PLA2G5: variants seen among roughly 807,000 people sequenced by gnomAD.
The protein encoded by PLA2G5 is Ca2+-dependent phospholipase A2.
PLA2G5 carries 12 observed loss-of-function variants against 15.9 expected under a neutral mutation model. The ratio of observed to expected loss-of-function variants is 0.76; its 90% CI spans 0.48 to 1.23. The LOEUF (loss-of-function observed/expected upper bound fraction) is 1.23, where lower values mean the gene tolerates loss of function less well. Ranked by LOEUF, PLA2G5 falls within the 50% of genes most tolerant of loss-of-function variation. PLA2G5 has a pLI of 0.00. For synonymous variants in PLA2G5, 71 were observed against 71.4 expected (o/e 0.99, Z 0.03); for missense variants, 169 against 177.1 (o/e 0.95, Z 0.26).
rs373128765 is a variant in PLA2G5, at chr1:20,085,249, C to T, written c.40+379C>T. 9.2e-5 allele frequency among the ~76,000 whole-genome samples: 14 copies of T among 152,290 alleles called. No individual in the cohort carries two copies. In the East Asian group the frequency reaches 2.7e-3, roughly 29 times the overall value. On this transcript the variant is annotated intron_variant, in intron 2 of 4. Transcript: ENST00000375108. ...AAAATCAAAACTCTTATCTAAATAT[C>T]CCAACCTATGATTCCTGGGTCATTC...
chr1:20,077,233 C>T (rs778512331), intron 1 of PLA2G5, among the ~76,000 whole-genome samples: 4 of 152,282 alleles, frequency 2.6e-5, no homozygotes, highest in South Asian at 2.1e-4. Flanking sequence ...CTTTAATCAC[C>T]GAAGTGTGAA....
chr1:20,033,922 T>A (rs925604931), intron 1 of PLA2G5, among the ~76,000 whole-genome samples: 2 of 151,774 alleles, frequency 1.3e-5, no homozygotes, highest in Non-Finnish European at 2.9e-5. Flanking sequence ...GTCGGAAGTA[T>A]CCCACAAGGC....
At chr1:20,047,504 CATTGAGA>C (rs1569672809) in intron 1 of PLA2G5, among the ~76,000 whole-genome samples, 1 of 152,148 alleles carries the variant, frequency 6.6e-6, no homozygotes, top group East Asian at 1.9e-4. Context: ...TGCACATTTA[CATTGAGA>C]AAAAGAGCCC....
chr1:20,089,763 G>A (rs368920999), intron 3 of PLA2G5, 26 bp from the exon 4 acceptor site: 8 of 1,596,542 alleles, frequency 5.0e-6, no homozygotes, highest in Admixed American at 1.7e-5. Flanking sequence ...CCTCCCACTC[G>A]GGATCTAAGT....
chr1:20,049,678 C>A (rs1439022498), intron 1 of PLA2G5, among the ~76,000 whole-genome samples: 1 of 152,178 alleles, frequency 6.6e-6, no homozygotes, highest in African/African-American at 2.4e-5. Context: ...CTTTGCTCTT[C>A]CTTGGTCTTC....
chr1:20,090,574 G>T lies in PLA2G5; in HGVS notation c.299G>T (p.Gly100Val), dbSNP rs901915229. 2 of 1,614,026 alleles carry T rather than the reference G, an allele frequency of 1.2e-6. No individual in the cohort carries two copies. The highest frequency in any genetic ancestry group is 1.7e-6 in the Non-Finnish European group (2 of 1,179,974). Residue 100 changes from glycine to valine, a missense_variant, in exon 5 of 5, where the codon GGG becomes GTG. Physicochemically the swap from Gly to Val is moderately radical, Grantham distance 109 (BLOSUM62 -3). Coordinates refer to ENST00000375108, the MANE Select transcript of PLA2G5 (RefSeq NM_000929.3). ...TCTTGGTGTCCTTTTGCAGAGCCCG[G>T]GCCCTTCTGCCATGTGAACCTCTGT... ...FAWGVVTCEP[G>V]PFCHVNLCAC...
At position 20,060,356 on chromosome 1, in the gene PLA2G5, C is replaced by T. The variant is rs1296308157; in HGVS notation, n.337+664C>T. 2.8e-5 allele frequency among the ~76,000 whole-genome samples: 4 copies of T among 144,434 alleles called. No individual in the cohort carries two copies. The East Asian group carries it at 6.5e-4, about 23-fold the overall frequency. The allele number at this position is 144,434 out of a possible 152,430, so 94.8% of individuals were successfully genotyped here. On this transcript the variant is annotated intron_variant and non_coding_transcript_variant, in intron 2 of 6. Transcript: ENST00000460175. Reference sequence around the variant, plus strand: ...GCAACCTCTGCCTCCCAGATTCAAGCGATTCTCCTGCCTCAGCCTCCCAAG... The same window carrying T: ...GCAACCTCTGCCTCCCAGATTCAAGTGATTCTCCTGCCTCAGCCTCCCAAG...
chr1:20,090,704 G>C lies in PLA2G5; in HGVS notation c.*12G>C, dbSNP rs759438113. The C allele has an allele frequency of 3.9e-5, 63 of 1,613,674 alleles. No individual in the cohort carries two copies. The highest frequency in any genetic ancestry group is 1.1e-5 in the Non-Finnish European group (13 of 1,179,794). On this transcript the variant is annotated 3_prime_UTR_variant, in exon 5 of 5. Coordinates refer to ENST00000375108, the MANE Select transcript of PLA2G5 (RefSeq NM_000929.3). Reference sequence around the variant, plus strand: ...TCCTCTGCTCCTAGGCCTCCCCAGCGAGCTCCTCCCAGACCAAGACTTTTG... The same window carrying C: ...TCCTCTGCTCCTAGGCCTCCCCAGCCAGCTCCTCCCAGACCAAGACTTTTG...
At position 20,046,441 on chromosome 1, in the gene PLA2G5, C is replaced by G. The variant is rs148325380; in HGVS notation, n.277-13191C>G. Among the ~76,000 whole-genome samples, 37 of 152,336 alleles carry G rather than the reference C, an allele frequency of 2.4e-4. No individual in the cohort carries two copies. The East Asian group carries it at 6.0e-3, about 25-fold the overall frequency. ...ACCATGTGCTTGGTTTCTGTGTTTACTTCCTATCTTAAAAAAAGTTCTTTT... is the reference window on the plus strand; with the variant it reads ...ACCATGTGCTTGGTTTCTGTGTTTAGTTCCTATCTTAAAAAAAGTTCTTTT... On this transcript the variant is annotated intron_variant and non_coding_transcript_variant, in intron 1 of 6. Coordinates refer to the PLA2G5 transcript ENST00000460175.
intron 1 of PLA2G5, among the ~76,000 whole-genome samples, chr1:20,079,158 TG>T (rs2015866806): frequency 6.9e-6 from 1 of 145,868 alleles, no homozygotes; most frequent in Admixed American, 6.8e-5. Context: ...CAAAAAAGTG[TG>T]TGTGGGGTGG....
At chr1:20,079,409 A>G (rs1011102321) in intron 1 of PLA2G5, among the ~76,000 whole-genome samples, 1 of 152,120 alleles carries the variant, frequency 6.6e-6, no homozygotes, top group Non-Finnish European at 1.5e-5. Flanking sequence ...CAGGATTTGA[A>G]CCCAGGACTT....
chr1:20,087,674 C>G (rs1308739255), intron 3 of PLA2G5, among the ~76,000 whole-genome samples: 1 of 152,060 alleles, frequency 6.6e-6, no homozygotes, highest in Non-Finnish European at 1.5e-5. Context: ...TAGAAGGCCC[C>G]TTCCAAGTCA....
At chr1:20,086,329 T>C in intron 3 of PLA2G5, 102 bp downstream of exon 3, 1 of 1,292,836 alleles carries the variant, frequency 7.7e-7, no homozygotes, top group South Asian at 1.4e-5. Context: ...TAAAGTACCA[T>C]TTTACAAATA....
chr1:20,057,388 C>A (rs1422046564), intron 1 of PLA2G5, among the ~76,000 whole-genome samples: 23 of 151,834 alleles, frequency 1.5e-4, no homozygotes, highest in Admixed American at 1.5e-3. Context: ...CACTGCATCC[C>A]ATAAATTTTT....
In PLA2G5 at chr1:20,060,256, T is replaced by C. The variant is rs2014646566; in HGVS notation, n.337+564T>C. ...GACTTTCTTTTTTCTTCTTTTTTTT[T>C]TTTTTTTTTTTTTTTGAGACAGAGT... On this transcript the variant is annotated intron_variant and non_coding_transcript_variant, in intron 2 of 6. Transcript: ENST00000460175. Among the ~76,000 whole-genome samples the C allele has an allele frequency of 2.3e-5, 3 of 130,788 alleles. 1 individual carries two copies. The highest frequency in any genetic ancestry group is 5.8e-5 in the African/African-American group (2 of 34,628). 85.8% of individuals were successfully genotyped at this position (130,788 alleles called of 152,430 possible). A position where few individuals can be genotyped will look rare whatever the true frequency, so the allele number is the denominator to read the frequency against.
chr1:20,063,787 C>T (rs1263948107), intron 2 of PLA2G5, among the ~76,000 whole-genome samples: 4 of 152,164 alleles, frequency 2.6e-5, no homozygotes, highest in African/African-American at 9.7e-5. Flanking sequence ...AAGTTCATGG[C>T]AGAAATGGGG....
chr1:20,076,023 C>A (rs1299726507), intron 1 of PLA2G5, among the ~76,000 whole-genome samples: 1 of 152,032 alleles, frequency 6.6e-6, no homozygotes, highest in African/African-American at 2.4e-5. Flanking sequence ...AGGCACTCGC[C>A]ACCACACCCA....
At chr1:20,074,972 C>T (rs1472323056) in intron 1 of PLA2G5, among the ~76,000 whole-genome samples, 1 of 152,202 alleles carries the variant, frequency 6.6e-6, no homozygotes, top group Non-Finnish European at 1.5e-5. Flanking sequence ...CACATGGGGG[C>T]CCAGGGCCAG....
chr1:20,050,166 C>A (rs2014114643), intron 1 of PLA2G5, among the ~76,000 whole-genome samples: 1 of 152,096 alleles, frequency 6.6e-6, no homozygotes, highest in African/African-American at 2.4e-5. Flanking sequence ...ATTCATGTAT[C>A]TTTCTGTATG....
Sources: gnomAD v4.1 joint callset for allele counts (sites outside exome capture counted in the v4.1 genomes callset) on GRCh38, gnomAD v4.1.1 for gene constraint, MANE v1.5 for transcripts, NCBI Gene and HGNC (gene_info 2026-07-23, HGNC 2026-07-21) for gene names.